STIM1: variants seen among roughly 807,000 people sequenced by gnomAD.
STIM1 encodes stromal interaction molecule 1.
STIM1 carries 25 observed loss-of-function variants against 74.7 expected under a neutral mutation model. The observed-to-expected ratio is 0.33, with a 90% CI of 0.24 to 0.47. The LOEUF (loss-of-function observed/expected upper bound fraction) is 0.47, where lower values mean the gene tolerates loss of function less well. Among genes scored for constraint, STIM1 ranks in the 20% least tolerant of loss-of-function variants. STIM1 has a pLI of 1.00. For missense variants in STIM1, 728 were observed against 920.8 expected (o/e 0.79, Z 2.71); for synonymous variants, 328 against 348.8 (o/e 0.94, Z 0.66).
In STIM1 at chr11:4,088,702, A is replaced by T. The variant is rs772759124; in HGVS notation, c.1634+2159A>T. 53 of 1,535,664 alleles carry T rather than the reference A, an allele frequency of 3.5e-5. No individual in the cohort carries two copies. In the Middle Eastern group the frequency reaches 1.2e-3, roughly 34 times the overall value. ...AATTTTCTTTTGCACCACGCACCAG[A>T]GGATCATCTCTAAAGGCAAACAGGC... On this transcript the variant is annotated intron_variant, in intron 12 of 12. Coordinates refer to ENST00000526596, the MANE Select transcript of STIM1 (RefSeq NM_001382567.1).
intron 4 of STIM1, 71 bp downstream of exon 4, chr11:4,055,708 T>A (rs1565162216): frequency 5.8e-6 from 7 of 1,204,172 alleles, no homozygotes; most frequent in Non-Finnish European, 8.3e-6. Flanking sequence ...GCCTTCAGAT[T>A]GCTCTGGCCA....
At chr11:3,965,197 C>T (rs990815647) in intron 1 of STIM1, among the ~76,000 whole-genome samples, 5 of 152,194 alleles carry the variant, frequency 3.3e-5, no homozygotes, top group South Asian at 2.1e-4. Context: ...ATTTTGTCTA[C>T]GGATGCTTTT....
rs192463697 is a variant in STIM1, at chr11:4,086,602, C to A, written c.1634+59C>A. The A allele has an allele frequency of 6.2e-6, 10 of 1,606,532 alleles. No homozygotes were observed. In the South Asian group the frequency reaches 1.0e-4, roughly 16 times the overall value. On this transcript the variant is annotated intron_variant, in intron 12 of 12. Transcript: ENST00000526596. ...AAGCCGGGTATCTCTGCGGCGAATG[C>A]GCAGCCTTTCATCTGGACAGTCTTT...
chr11:3,969,979 C>T (rs1032989451), intron 2 of STIM1, among the ~76,000 whole-genome samples: 2 of 152,094 alleles, frequency 1.3e-5, no homozygotes, highest in African/African-American at 4.8e-5. Flanking sequence ...GATCACTGTC[C>T]CAGGGCCTGG....
At chr11:4,062,028 T>C (rs11030781) in intron 5 of STIM1, among the ~76,000 whole-genome samples, 40,139 of 151,994 alleles carry the variant, frequency 0.26, 6,275 homozygotes, top group South Asian at 0.46. Context: ...AATTTTACTG[T>C]AGAGTGATGG....
At chr11:3,916,318 G>T (rs112563625) in intron 1 of STIM1, among the ~76,000 whole-genome samples, 1 of 151,110 alleles carries the variant, frequency 6.6e-6, no homozygotes, top group Non-Finnish European at 1.5e-5. Context: ...ACAGAGTCTC[G>T]CTTTGTTGCC....
intron 2 of STIM1, among the ~76,000 whole-genome samples, chr11:3,974,507 C>T (rs2093427272): frequency 7.1e-6 from 1 of 141,266 alleles, no homozygotes; most frequent in South Asian, 2.3e-4. Context: ...GAGACTCTAT[C>T]TCTACCAAAA....
intron 1 of STIM1, among the ~76,000 whole-genome samples, chr11:3,861,803 G>A (rs1183357619): frequency 1.3e-5 from 2 of 152,118 alleles, no homozygotes; most frequent in African/African-American, 4.8e-5. Context: ...TTAGGGATAT[G>A]GGGCCTTCGT....
intron 2 of STIM1, among the ~76,000 whole-genome samples, chr11:3,971,761 C>T (rs747261107): frequency 1.3e-5 from 2 of 152,120 alleles, no homozygotes; most frequent in Non-Finnish European, 2.9e-5. Context: ...CCTTGTGAAG[C>T]CACAATGTAC....
At chr11:4,051,573 G>A (rs1157417398) in intron 3 of STIM1, among the ~76,000 whole-genome samples, 4 of 151,856 alleles carry the variant, frequency 2.6e-5, no homozygotes, top group Non-Finnish European at 5.9e-5. Context: ...GAACTCTTGA[G>A]GTCAGATGAT....
intron 2 of STIM1, among the ~76,000 whole-genome samples, chr11:4,015,323 G>GATATGA (rs1242007773): frequency 2.6e-5 from 4 of 152,176 alleles, no homozygotes; most frequent in Non-Finnish European, 5.9e-5. Context: ...AGTTTGGCTG[G>GATATGA]ATATGAAATT....
At chr11:4,018,811 A>C (rs2093928401) in intron 2 of STIM1, 1 of 152,160 alleles carries the variant, frequency 6.6e-6, no homozygotes, top group Admixed American at 6.6e-5. Context: ...TGCCTCAGGG[A>C]CTTTGCTTCT....
rs201466902 is a variant in STIM1, at chr11:4,091,700, G to A, written c.2053G>A (p.Ala685Thr). The A allele has an allele frequency of 1.3e-4, 216 of 1,614,198 alleles. 2 individuals are homozygous for A. The highest frequency in any genetic ancestry group is 5.5e-4 in the South Asian group (50 of 91,084). Residue 685 changes from alanine to threonine, a missense_variant, in exon 13 of 13, where the codon GCT becomes ACT. Coordinates refer to ENST00000526596, the MANE Select transcript of STIM1 (RefSeq NM_001382567.1). ...IPHLAGKKAVAEEDNGSIGEE... is the reference protein window; with the variant it reads ...IPHLAGKKAVTEEDNGSIGEE... The stretch of plus-strand genomic sequence containing the variant: ...CCACCTGGCTGGCAAGAAGGCTGTG[G>A]CTGAGGAGGATAATGGCTCTATTGG...
At chr11:3,896,615 A>G (rs564544535) in intron 1 of STIM1, among the ~76,000 whole-genome samples, 6 of 152,230 alleles carry the variant, frequency 3.9e-5, no homozygotes, top group South Asian at 2.1e-4. Context: ...TGATACTGCT[A>G]TGGCAGAGAC....
chr11:3,907,893 C>T (rs895662920), intron 1 of STIM1, among the ~76,000 whole-genome samples: 6 of 152,230 alleles, frequency 3.9e-5, no homozygotes, highest in African/African-American at 1.4e-4. Flanking sequence ...TAACTTTCTG[C>T]ATGGCTCATG....
At chr11:3,887,534 T>A (rs979486682) in intron 1 of STIM1, among the ~76,000 whole-genome samples, 32 of 152,154 alleles carry the variant, frequency 2.1e-4, no homozygotes, top group Admixed American at 7.2e-4. Context: ...AAACCTACCT[T>A]TAAAAAGGCA....
chr11:3,981,412 T>C (rs1248046050), intron 2 of STIM1, among the ~76,000 whole-genome samples: 2 of 152,252 alleles, frequency 1.3e-5, no homozygotes, highest in African/African-American at 4.8e-5. Flanking sequence ...TATTCATTGC[T>C]GTTTCTCATA....
chr11:4,086,260 T>G, intron 11 of STIM1: 1 of 602,442 alleles, frequency 1.7e-6, no homozygotes, highest in Non-Finnish European at 2.9e-6. Flanking sequence ...CTCCTTCTAT[T>G]GGAATTGCCA....
chr11:3,998,382 G>T (rs1445004970), intron 2 of STIM1, among the ~76,000 whole-genome samples: 1 of 152,134 alleles, frequency 6.6e-6, no homozygotes, highest in Non-Finnish European at 1.5e-5. Flanking sequence ...TTTTAGATAG[G>T]CTGACAATTT....
Sources: allele counts gnomAD v4.1 joint callset (sites outside exome capture counted in the v4.1 genomes callset), GRCh38; gene constraint gnomAD v4.1.1; transcripts MANE v1.5; gene names NCBI Gene and HGNC (gene_info 2026-07-23, HGNC 2026-07-21).